Variants in CACNA1C observed in about 807,000 individuals in gnomAD.
The protein encoded by CACNA1C is voltage-dependent L-type calcium channel subunit alpha-1C.
Under a neutral mutation model 229.0 loss-of-function variants are expected in CACNA1C, and 30 were observed. The observed-to-expected ratio is 0.13, with a 90% CI of 0.10 to 0.18. The LOEUF (loss-of-function observed/expected upper bound fraction) is 0.18, where lower values mean the gene tolerates loss of function less well. Among genes scored for constraint, CACNA1C ranks in the 10% least tolerant of loss-of-function variants. The pLI is 1.00. For missense variants in CACNA1C, 1,658 were observed against 2,845.0 expected (o/e 0.58, Z 9.49); for synonymous variants, 1,114 against 1,132.5 (o/e 0.98, Z 0.33).
At chr12:2,682,435 T>G in intron 42 of CACNA1C, 115 bp from the exon 43 acceptor site, 3 of 1,226,210 alleles carry the variant, frequency 2.4e-6, no homozygotes, top group Non-Finnish European at 3.4e-6. Flanking sequence ...TGTGTGCTTG[T>G]GTTTGTGCAC....
At position 2,651,483 on chromosome 12, in the gene CACNA1C, G is replaced by A. The variant is rs2094963025; in HGVS notation, c.3946-157G>A. 2 of 1,032,876 alleles carry A rather than the reference G, an allele frequency of 1.9e-6. No individual in the cohort carries two copies. Among genetic ancestry groups the A allele is most frequent in the Non-Finnish European group, 1.5e-6 (1 of 683,554 alleles). 64.0% of individuals were successfully genotyped at this position (1,032,876 alleles called of 1,614,324 possible). ...GCTGGGCTGTCCACTCATTAAAGTGGGCGGCCGCCCTCCCATCGGAGGGGG... is the reference window on the plus strand; with the variant it reads ...GCTGGGCTGTCCACTCATTAAAGTGAGCGGCCGCCCTCCCATCGGAGGGGG... On this transcript the variant is annotated intron_variant, in intron 31 of 46. Transcript: ENST00000399655. This position sits in a 1 kb window ranked among gnomAD's most constrained non-coding sequence, Gnocchi z 5.4.
chr12:2,142,152 C>T (rs570292277), intron 3 of CACNA1C, among the ~76,000 whole-genome samples: 6 of 151,152 alleles, frequency 4.0e-5, no homozygotes, highest in Non-Finnish European at 8.9e-5. Flanking sequence ...AGCTCTGTGC[C>T]TTACACACGT....
chr12:2,427,176 G>T (rs546217813), intron 3 of CACNA1C, among the ~76,000 whole-genome samples: 2 of 152,222 alleles, frequency 1.3e-5, no homozygotes, highest in African/African-American at 4.8e-5. Flanking sequence ...CCAGTCTGCC[G>T]ACCTGTGCCA....
intron 3 of CACNA1C, among the ~76,000 whole-genome samples, chr12:2,169,761 G>C (rs941929017): frequency 6.6e-6 from 1 of 152,196 alleles, no homozygotes; most frequent in Non-Finnish European, 1.5e-5. Flanking sequence ...CCTTTTCTGA[G>C]TGTGTCTCCT....
intron 5 of CACNA1C, among the ~76,000 whole-genome samples, chr12:2,482,454 A>G (rs960379420): frequency 2.0e-5 from 3 of 152,174 alleles, no homozygotes; most frequent in South Asian, 2.1e-4. Context: ...AGATCACTCC[A>G]CTGCTCTGGA....
At position 2,666,320 on chromosome 12, in the gene CACNA1C, C is replaced by T. The variant is rs1443642054; in HGVS notation, c.4527-366C>T. 6.6e-6 allele frequency among the ~76,000 whole-genome samples: 1 copy of T among 152,182 alleles called. No individual in the cohort carries two copies. Among genetic ancestry groups the T allele is most frequent in the Non-Finnish European group, 1.5e-5 (1 of 68,026 alleles). ...CCGGGGAAAATCTTGATTCCATTCC[C>T]GCTTCTGGTCTAAAGATCAATCACA... On this transcript the variant is annotated intron_variant, in intron 36 of 46. Transcript: ENST00000399655. This position sits in a 1 kb window ranked among gnomAD's most constrained non-coding sequence, Gnocchi z 5.3.
In CACNA1C at chr12:2,691,227, T is replaced by C. The variant is rs768633779; in HGVS notation, c.*28T>C. ...GGCGCTGCCAGATGCGGGCTTTTTTTTATTTGTTTCAATGTTCCTAATGGG... is the reference window on the plus strand; with the variant it reads ...GGCGCTGCCAGATGCGGGCTTTTTTCTATTTGTTTCAATGTTCCTAATGGG... On this transcript the variant is annotated 3_prime_UTR_variant, in exon 47 of 47. Coordinates refer to ENST00000399655, the MANE Select transcript of CACNA1C (RefSeq NM_000719.7). 4.6e-6 allele frequency: 7 copies of C among 1,514,284 alleles called. No individual in the cohort carries two copies. The highest frequency in any genetic ancestry group is 6.2e-6 in the Non-Finnish European group (7 of 1,133,638). The allele number at this position is 1,514,284 out of a possible 1,614,324, so 93.8% of individuals were successfully genotyped here.
chr12:2,310,894 G>A (rs1024927429), intron 3 of CACNA1C, among the ~76,000 whole-genome samples: 1 of 152,194 alleles, frequency 6.6e-6, no homozygotes, highest in Non-Finnish European at 1.5e-5. Context: ...AGGGAGTTGA[G>A]GGGTAGAAAA....
chr12:2,679,914 G>T lies in CACNA1C; in HGVS notation c.5444+118G>T, dbSNP rs1182477033. On this transcript the variant is annotated intron_variant, in intron 42 of 46. Transcript: ENST00000399655. The surrounding 1 kb of genome is among the most constrained non-coding windows in gnomAD (Gnocchi z 5.5). ...CACTTGTCCCTCAAGCTTCCAGGAG[G>T]TTGCTGCCCCAGACTCCAGCAAGAG... 2 of 741,168 alleles carry T rather than the reference G, an allele frequency of 2.7e-6. No homozygotes were observed. The highest frequency in any genetic ancestry group is 4.4e-6 in the Non-Finnish European group (2 of 454,840). 45.9% of individuals were successfully genotyped at this position (741,168 alleles called of 1,614,324 possible).
At chr12:2,224,171 T>G (rs1271542290) in intron 3 of CACNA1C, among the ~76,000 whole-genome samples, 1 of 152,220 alleles carries the variant, frequency 6.6e-6, no homozygotes, top group Non-Finnish European at 1.5e-5. Flanking sequence ...CTGGTTTGTT[T>G]CTGCTTTGTA....
At chr12:2,581,131 C>A (rs2060339486) in intron 13 of CACNA1C, among the ~76,000 whole-genome samples, 1 of 152,168 alleles carries the variant, frequency 6.6e-6, no homozygotes, top group Non-Finnish European at 1.5e-5. Flanking sequence ...GTTTAGAGAC[C>A]AACAGTGACA....
chr12:2,090,604 C>T (rs995332015), intron 1 of CACNA1C, among the ~76,000 whole-genome samples: 3 of 152,124 alleles, frequency 2.0e-5, no homozygotes, highest in Non-Finnish European at 4.4e-5. Flanking sequence ...AGGCATGAGC[C>T]ACCGTGCCCA....
chr12:2,441,286 G>A (rs929342031), intron 3 of CACNA1C, among the ~76,000 whole-genome samples: 3 of 152,180 alleles, frequency 2.0e-5, no homozygotes, highest in Non-Finnish European at 4.4e-5. Flanking sequence ...TTCAGCACAG[G>A]TGGGTGAGCA....
intron 3 of CACNA1C, among the ~76,000 whole-genome samples, chr12:2,171,094 C>T (rs1180672620): frequency 6.6e-6 from 1 of 152,148 alleles, no homozygotes; most frequent in Non-Finnish European, 1.5e-5. Context: ...TTTTACCTGG[C>T]GGATCCCTGA....
At chr12:2,157,779 C>G (rs547651857) in intron 3 of CACNA1C, among the ~76,000 whole-genome samples, 1 of 152,192 alleles carries the variant, frequency 6.6e-6, no homozygotes, top group African/African-American at 2.4e-5. Flanking sequence ...AAAATAGAAA[C>G]CAAAGCTAAC....
chr12:2,690,622 C>T (rs576825011), intron 46 of CACNA1C, among the ~76,000 whole-genome samples: 2 of 152,314 alleles, frequency 1.3e-5, no homozygotes, highest in Admixed American at 6.5e-5. Flanking sequence ...TGTGAGCCAC[C>T]GTGCTGGGCC....
chr12:2,225,866 C>T (rs2062810900), intron 3 of CACNA1C, among the ~76,000 whole-genome samples: 1 of 152,064 alleles, frequency 6.6e-6, no homozygotes, highest in Non-Finnish European at 1.5e-5. Flanking sequence ...ATGGATGAGG[C>T]CCCAGAGAGT....
At chr12:2,572,535 TTCCTCCTTCTCCCC>T (rs2056013107) in intron 13 of CACNA1C, among the ~76,000 whole-genome samples, 1 of 47,366 alleles carries the variant, frequency 2.1e-5, no homozygotes, top group Admixed American at 2.5e-4. Context: ...TCTTCTTCTC[TTCCTCCTTCTCCCC>T]TCCTCCTTCT....
chr12:2,686,692 G>T (rs1050896906), intron 45 of CACNA1C, among the ~76,000 whole-genome samples: 6 of 152,208 alleles, frequency 3.9e-5, no homozygotes, highest in Non-Finnish European at 8.8e-5. Flanking sequence ...GTGACATAAA[G>T]AAGTGATTAA....
Sources: gnomAD v4.1 joint callset for allele counts (sites outside exome capture counted in the v4.1 genomes callset) on GRCh38, gnomAD v4.1.1 for gene constraint, Gnocchi (gnomAD v3.1) non-coding constraint, MANE v1.5 for transcripts, NCBI Gene and HGNC (gene_info 2026-07-23, HGNC 2026-07-21) for gene names.